MYLK: variants seen among roughly 807,000 people sequenced by gnomAD.
MYLK encodes the protein myosin light chain kinase, smooth muscle.
MYLK carries 106 observed loss-of-function variants against 203.4 expected under a neutral mutation model. That is an observed-to-expected ratio of 0.52 (90% CI 0.45 to 0.61). The LOEUF is 0.61. Ranked by LOEUF, MYLK falls within the 20% of genes least tolerant of loss-of-function variation. MYLK has a pLI of 0.00. For missense variants in MYLK, 2,072 were observed against 2,442.3 expected, an observed-to-expected ratio of 0.85 and a Z score of 3.20; for synonymous variants, 867 against 959.5, an observed-to-expected ratio of 0.90 and a Z score of 1.78.
Position 123,647,313 on chromosome 3 carries a change from A to G in MYLK, c.4530T>C (p.Ile1510=). The G allele has an allele frequency of 6.2e-7, 1 of 1,614,170 alleles. No homozygotes were observed. The highest frequency in any genetic ancestry group is 8.5e-7 in the Non-Finnish European group (1 of 1,180,014). Residue 1510 remains isoleucine (I), a synonymous_variant, in exon 27 of 34, where the codon ATT becomes ATC. Transcript: ENST00000360304. The part of the protein sequence containing the change: ...AKEKENIRQE[I]SIMNCLHHPK... ...GGTGGTGGAGGCAGTTCATGATGCT[A>G]ATCTCCTGCCGGATATTCTCTTTCT...
At chr3:123,834,033 T>TTTG (rs2066413897) in intron 2 of MYLK, among the ~76,000 whole-genome samples, 1 of 151,902 alleles carries the variant, frequency 6.6e-6, no homozygotes, top group Non-Finnish European at 1.5e-5. Flanking sequence ...CTGTTTTTTG[T>TTTG]TTGTTTGTTT....
chr3:123,805,413 CCGAGA>C (rs1338351910), intron 3 of MYLK, among the ~76,000 whole-genome samples: 1 of 152,134 alleles, frequency 6.6e-6, no homozygotes, highest in African/African-American at 2.4e-5. Context: ...GAGGAGGGAG[CCGAGA>C]CTGGGTTTCT....
chr3:123,829,452 G>C (rs139953993), intron 3 of MYLK, among the ~76,000 whole-genome samples: 334 of 152,270 alleles, frequency 2.2e-3, no homozygotes, highest in African/African-American at 7.6e-3. Flanking sequence ...AGGGTAGGAA[G>C]AAGGGTGGGA....
chr3:123,746,607 T>C (rs965432759), intron 5 of MYLK, among the ~76,000 whole-genome samples: 8 of 152,184 alleles, frequency 5.3e-5, no homozygotes, highest in Non-Finnish European at 1.2e-4. Context: ...TGGGACCAAG[T>C]AACTTTCCAG....
chr3:123,629,062 GC>G lies in MYLK; in HGVS notation c.5114+411del, dbSNP rs1369924375. ...GGGACCCACAGAGAAGTTCTAAGAT[GC>G]CCGTGTCCTCTGCTCTTGCTTGTTG... On this transcript the variant is annotated intron_variant, in intron 30 of 33. Transcript: ENST00000360304. The surrounding 1 kb of genome is among the most constrained non-coding windows in gnomAD (Gnocchi z 4.4). 6.6e-6 allele frequency among the ~76,000 whole-genome samples: 1 copy of G among 152,184 alleles called. No individual in the cohort carries two copies. Among genetic ancestry groups the G allele is most frequent in the African/African-American group, 2.4e-5 (1 of 41,456 alleles).
intron 16 of MYLK, 64 bp from the exon 17 acceptor site, chr3:123,701,573 G>A (rs2108592387): frequency 6.5e-7 from 1 of 1,533,024 alleles, no homozygotes; most frequent in Non-Finnish European, 9.0e-7. Context: ...TGTTCAGTGT[G>A]GACTTGATCA....
intron 2 of MYLK, among the ~76,000 whole-genome samples, chr3:123,863,816 C>T (rs2032115057): frequency 6.6e-6 from 1 of 152,110 alleles, no homozygotes; most frequent in Admixed American, 6.5e-5. Context: ...TAAACATAGA[C>T]TCATCTTATG....
At chr3:123,774,588 A>G (rs2063998732) in intron 4 of MYLK, among the ~76,000 whole-genome samples, 1 of 152,224 alleles carries the variant, frequency 6.6e-6, no homozygotes, top group African/African-American at 2.4e-5. Context: ...GGAGTCAAAC[A>G]GAATCACGGG....
chr3:123,733,135 A>G (rs2062546238), intron 10 of MYLK, 33 bp from the exon 11 acceptor site: 1 of 1,602,530 alleles, frequency 6.2e-7, no homozygotes, highest in African/African-American at 1.3e-5. Context: ...TGAGCTCCCT[A>G]TGCCCTGGAG....
At chr3:123,657,956 C>T (rs1408986567) in intron 23 of MYLK, among the ~76,000 whole-genome samples, 1 of 152,200 alleles carries the variant, frequency 6.6e-6, no homozygotes, top group Non-Finnish European at 1.5e-5. Flanking sequence ...TGAAGTCAGA[C>T]AGATTCAAGT....
intron 3 of MYLK, among the ~76,000 whole-genome samples, chr3:123,814,862 G>A (rs569171961): frequency 1.6e-4 from 24 of 152,022 alleles, no homozygotes; most frequent in East Asian, 7.7e-4. Flanking sequence ...GCATGATCTC[G>A]GCTCACTGCA....
intron 19 of MYLK, among the ~76,000 whole-genome samples, chr3:123,684,790 C>A (rs2060393568): frequency 6.6e-6 from 1 of 152,244 alleles, no homozygotes; most frequent in Admixed American, 6.5e-5. Flanking sequence ...CCTGCGTCAG[C>A]CTCCCAAAGT....
chr3:123,786,236 G>C (rs1287955439), intron 4 of MYLK, among the ~76,000 whole-genome samples: 1 of 151,694 alleles, frequency 6.6e-6, no homozygotes, highest in East Asian at 1.9e-4. Context: ...CTGGGAGGCG[G>C]AGGTTGCAGT....
rs794727880 is a variant in MYLK, at chr3:123,738,914, G to C, written c.571C>G (p.Gln191Glu). ...SCKITGRPQP[Q>E]VTWLKGNVPL... ...AACCTCACCTTGAGCCAGGTGACCT[G>C]CGGTTGGGGCCGGCCAGTGATCTTG... The change falls in exon 7 of 34, where the codon CAG becomes GAG. Residue 191 changes from glutamine (Q) to glutamate (E), a missense_variant. By Grantham distance (29) the Gln-to-Glu change is conservative (BLOSUM62 2). This residue lies in a region of MYLK where 683 missense variants were observed against 643.8 expected (regional missense o/e 1.06). Transcript: ENST00000360304. The C allele has an allele frequency of 1.5e-5, 24 of 1,611,416 alleles. No homozygotes were observed. Among genetic ancestry groups the C allele is most frequent in the Non-Finnish European group, 2.0e-5 (23 of 1,178,798 alleles).
intron 13 of MYLK, among the ~76,000 whole-genome samples, chr3:123,710,917 G>A (rs1354509642): frequency 2.0e-5 from 3 of 152,108 alleles, no homozygotes; most frequent in African/African-American, 4.8e-5. Context: ...TGAGGGTACC[G>A]CAACAGGGAT....
chr3:123,734,271 T>G, intron 9 of MYLK, 49 bp from the exon 10 acceptor site: 1 of 1,457,166 alleles, frequency 6.9e-7, no homozygotes, highest in Non-Finnish European at 9.1e-7. Context: ...GAGGGGAGAA[T>G]AGAATGATCA....
rs1236255036 is a variant in MYLK at position 123,882,215 on chromosome 3, A to G, written c.-186+1991T>C. Among the ~76,000 whole-genome samples, 15 of 152,178 alleles carry G rather than the reference A, an allele frequency of 9.9e-5. No individual in the cohort carries two copies. The East Asian group carries it at 2.7e-3, about 28-fold the overall frequency. The stretch of plus-strand genomic sequence containing the variant: ...GTGGGCGATCACTTGAGCCCATTAG[A>G]CTAGTATGGACAACATGGTAGGACC... On this transcript the variant is annotated intron_variant, in intron 1 of 33. Coordinates refer to ENST00000360304, the MANE Select transcript of MYLK (RefSeq NM_053025.4).
At chr3:123,705,101 C>T (rs978029847) in intron 16 of MYLK, among the ~76,000 whole-genome samples, 1 of 152,118 alleles carries the variant, frequency 6.6e-6, no homozygotes, top group Non-Finnish European at 1.5e-5. Flanking sequence ...CTAGCAGGGA[C>T]AGGCAGGATC....
At chr3:123,743,091 C>T (rs1012390001) in intron 5 of MYLK, among the ~76,000 whole-genome samples, 1 of 152,158 alleles carries the variant, frequency 6.6e-6, no homozygotes, top group Non-Finnish European at 1.5e-5. Flanking sequence ...GACAATTGTA[C>T]ACTTTAAAAT....
Sources: allele counts gnomAD v4.1 joint callset (sites outside exome capture counted in the v4.1 genomes callset), GRCh38; gene constraint gnomAD v4.1.1; regional missense constraint gnomAD v4.1.1; non-coding constraint Gnocchi (gnomAD v3.1); transcripts MANE v1.5; gene names NCBI Gene and HGNC (gene_info 2026-07-23, HGNC 2026-07-21).